Variants in CEP192 observed in about 807,000 individuals in gnomAD.
CEP192 encodes the protein centrosomal protein 192.
CEP192 carries 151 observed loss-of-function variants against 271.8 expected under a neutral mutation model. The observed-to-expected ratio is 0.56, with a 90% CI of 0.49 to 0.64. The LOEUF is 0.64. Ranked by LOEUF, CEP192 falls within the 30% of genes least tolerant of loss-of-function variation. The pLI is 0.00. For synonymous variants in CEP192, 995 were observed against 1,076.5 expected, an observed-to-expected ratio of 0.92 and a Z score of 1.48; for missense variants, 2,910 against 3,020.5, an observed-to-expected ratio of 0.96 and a Z score of 0.86.
At chr18:13,036,240 C>T (rs565274953) in intron 11 of CEP192, among the ~76,000 whole-genome samples, 1 of 152,232 alleles carries the variant, frequency 6.6e-6, no homozygotes, top group South Asian at 2.1e-4. Context: ...TAGGAAGCCT[C>T]AGTGGGCTTT....
intron 15 of CEP192, among the ~76,000 whole-genome samples, chr18:13,044,541 A>C (rs1250881711): frequency 1.3e-5 from 2 of 152,128 alleles, no homozygotes; most frequent in East Asian, 3.9e-4. Context: ...AATCTTGCCG[A>C]GTGCTTCTCT....
At chr18:13,024,249 C>T (rs2035161012) in intron 9 of CEP192, 1 of 452,520 alleles carries the variant, frequency 2.2e-6, no homozygotes, top group Non-Finnish European at 4.4e-6. Flanking sequence ...AGTACCCTGC[C>T]TTATCTCTGA....
chr18:13,088,008 T>C (rs2038975500), intron 32 of CEP192, among the ~76,000 whole-genome samples: 1 of 152,230 alleles, frequency 6.6e-6, no homozygotes, highest in African/African-American at 2.4e-5. Context: ...AACTACTGAA[T>C]GATTATATTG....
intron 32 of CEP192, 31 bp from the exon 33 acceptor site, chr18:13,089,425 T>C (rs530859101): frequency 8.7e-7 from 1 of 1,152,708 alleles, no homozygotes; most frequent in East Asian, 2.4e-5. Context: ...AACGTCACTT[T>C]TAAATAATAA....
At chr18:13,062,544 C>T (rs1287746921) in intron 21 of CEP192, among the ~76,000 whole-genome samples, 31 of 144,074 alleles carry the variant, frequency 2.2e-4, no homozygotes, top group African/African-American at 6.8e-4. Context: ...TTTTTTTAAT[C>T]ATTCTGGAGT....
chr18:13,056,487 T>TG lies in CEP192; in HGVS notation c.3898dup (p.Ala1300GlyfsTer31). On this transcript the variant is annotated frameshift_variant, in exon 19 of 45. Coordinates refer to ENST00000506447, the MANE Select transcript of CEP192 (RefSeq NM_032142.4). LOFTEE classifies it high-confidence loss of function. ...CAGGAGGCCTTCCCTATCCAGCTGT[T>TG]GCAGGAGAGCCTGTGCAGAACTCTG... The TG allele has an allele frequency of 6.2e-7, 1 of 1,614,212 alleles. No homozygotes were observed. The highest frequency in any genetic ancestry group is 8.5e-7 in the Non-Finnish European group (1 of 1,180,020).
chr18:13,001,753 T>TA (rs2033659429), intron 3 of CEP192, among the ~76,000 whole-genome samples, 171 bp downstream of exon 3: 1 of 152,212 alleles, frequency 6.6e-6, no homozygotes, highest in South Asian at 2.1e-4. Flanking sequence ...GCCCAGGCTA[T>TA]AGTGCAATGG....
At chr18:13,102,884 T>C (rs1378773449) in intron 38 of CEP192, among the ~76,000 whole-genome samples, 1 of 152,232 alleles carries the variant, frequency 6.6e-6, no homozygotes, top group Non-Finnish European at 1.5e-5. Flanking sequence ...TGGCGCCTGC[T>C]TGGCTTCCAC....
In CEP192 at chr18:13,040,970, T is replaced by C; in HGVS notation, c.1936+14T>C. 1.9e-6 allele frequency: 3 copies of C among 1,592,720 alleles called. No individual in the cohort carries two copies. The highest frequency in any genetic ancestry group is 2.6e-6 in the Non-Finnish European group (3 of 1,173,172). On this transcript the variant is annotated intron_variant, in intron 14 of 44. Transcript: ENST00000506447. Reference sequence around the variant, plus strand: ...ATCTATATTCAGGTAATGGATTCAATGAAGGGGCTTTTAGGAATCTTTTTT... The same window carrying C: ...ATCTATATTCAGGTAATGGATTCAACGAAGGGGCTTTTAGGAATCTTTTTT...
intron 38 of CEP192, among the ~76,000 whole-genome samples, chr18:13,100,867 A>G (rs1427494540): frequency 1.3e-5 from 2 of 152,212 alleles, no homozygotes; most frequent in Non-Finnish European, 2.9e-5. Context: ...CGTGACATTG[A>G]GGCTCCAGAC....
At position 13,106,509 on chromosome 18, in the gene CEP192, T is replaced by TACC. The variant is rs761390676; in HGVS notation, c.7047+1455_7047+1457dup. Reference sequence around the variant, plus strand: ...ACTCACCACTGCCATCACCATTTCCTACCACCACCACCACCACCACCACCA... The same window carrying TACC: ...ACTCACCACTGCCATCACCATTTCCTACCACCACCACCACCACCACCACCACCA... On this transcript the variant is annotated intron_variant, in intron 40 of 44. Coordinates refer to ENST00000506447, the MANE Select transcript of CEP192 (RefSeq NM_032142.4). Among the ~76,000 whole-genome samples, 746 of 136,932 alleles carry TACC rather than the reference T, an allele frequency of 5.4e-3. 11 individuals are homozygous for TACC. Among genetic ancestry groups the TACC allele is most frequent in the African/African-American group, 0.02 (677 of 34,226 alleles). 89.8% of individuals were successfully genotyped at this position (136,932 alleles called of 152,430 possible).
At chr18:13,056,735 T>C in intron 19 of CEP192, 37 bp downstream of exon 19, 1 of 1,481,654 alleles carries the variant, frequency 6.7e-7, no homozygotes, top group Non-Finnish European at 9.1e-7. Flanking sequence ...TACTTGCTAT[T>C]ATTTTCTCAA....
At chr18:13,084,304 G>A (rs1295870622) in intron 30 of CEP192, among the ~76,000 whole-genome samples, 2 of 152,204 alleles carry the variant, frequency 1.3e-5, no homozygotes, top group African/African-American at 4.8e-5. Flanking sequence ...TGGCTGCTTT[G>A]TTTACCTACT....
At chr18:13,031,093 A>G (rs2035594381) in intron 11 of CEP192, among the ~76,000 whole-genome samples, 1 of 152,168 alleles carries the variant, frequency 6.6e-6, no homozygotes, top group Admixed American at 6.5e-5. Context: ...CAGTGAATAT[A>G]GAAACTGGTT....
In CEP192 at chr18:13,114,239, C is replaced by T; in HGVS notation, c.7277C>T (p.Ala2426Val). The stretch of plus-strand genomic sequence containing the variant: ...AGACAAGCTGTGTCAGAGGCTTCTG[C>T]TCGCATACCTGAGTATGTTGTTTTT... Reference protein sequence around the residue: ...PRRQAVSEASARIPEQLDVTA... With the variant: ...PRRQAVSEASVRIPEQLDVTA... The change falls in exon 42 of 45, where the codon GCT becomes GTT. Residue 2426 changes from alanine (A) to valine (V), a missense_variant. By Grantham distance (64) the Ala-to-Val change is moderately conservative. Transcript: ENST00000506447. 6.2e-7 allele frequency: 1 copy of T among 1,613,356 alleles called. No individual in the cohort carries two copies. Among genetic ancestry groups the T allele is most frequent in the East Asian group, 2.2e-5 (1 of 44,872 alleles).
In CEP192 at chr18:13,055,912, A is replaced by T; in HGVS notation, c.3322A>T (p.Ile1108Phe). The T allele has an allele frequency of 1.9e-6, 3 of 1,614,172 alleles. No individual in the cohort carries two copies. Among genetic ancestry groups the T allele is most frequent in the Non-Finnish European group, 2.5e-6 (3 of 1,179,998 alleles). ...NRGKGTLSSI[I>F]QNNSDTRKAT... ...AGGAAAAGGAACATTATCATCTATTATCCAGAATAACTCTGATACAAGAAA... is the reference window on the plus strand; with the variant it reads ...AGGAAAAGGAACATTATCATCTATTTTCCAGAATAACTCTGATACAAGAAA... Residue 1108 changes from isoleucine to phenylalanine, a missense_variant, in exon 19 of 45, where the codon ATC becomes TTC. Physicochemically the swap from Ile to Phe is conservative, Grantham distance 21. Transcript: ENST00000506447.
intron 4 of CEP192, among the ~76,000 whole-genome samples, chr18:13,011,461 C>T (rs982083372): frequency 1.2e-4 from 19 of 152,096 alleles, no homozygotes; most frequent in African/African-American, 4.3e-4. Flanking sequence ...TCCGCATTTG[C>T]ACTCCTAGGT....
chr18:13,117,775 G>A, intron 44 of CEP192, 132 bp downstream of exon 44: 1 of 628,756 alleles, frequency 1.6e-6, no homozygotes, highest in South Asian at 2.2e-5. Context: ...GCATTAGGCA[G>A]AGTCTCCGCA....
rs769070576 is a variant in CEP192 at position 13,073,159 on chromosome 18, C to T, written c.5590C>T (p.Arg1864Ter). ...ACTAGAAATCAAACAACTTGGAAAT[C>T]GATCACAACCAGGCATTAAGTTCAC... ...ARLEIKQLGN[R>*]SQPGIKFTIP... is the part of the protein sequence containing the mutation. The change falls in exon 30 of 45, where the codon CGA becomes TGA. Residue 1864 changes from arginine to a stop codon, truncating the protein, a stop_gained. Coordinates refer to ENST00000506447, the MANE Select transcript of CEP192 (RefSeq NM_032142.4). LOFTEE classifies it high-confidence loss of function. 6.2e-6 allele frequency: 10 copies of T among 1,611,556 alleles called. No individual in the cohort carries two copies. Among genetic ancestry groups the T allele is most frequent in the African/African-American group, 1.3e-5 (1 of 74,840 alleles).
Sources: allele counts gnomAD v4.1 joint callset (sites outside exome capture counted in the v4.1 genomes callset), GRCh38; gene constraint gnomAD v4.1.1; transcripts MANE v1.5; gene names NCBI Gene and HGNC (gene_info 2026-07-23, HGNC 2026-07-21).